SNRNP200: variants seen among roughly 807,000 people sequenced by gnomAD.
SNRNP200 encodes the protein U5 small nuclear ribonucleoprotein 200 kDa helicase.
Under a neutral mutation model 255.2 loss-of-function variants are expected in SNRNP200, and 66 were observed. The ratio of observed to expected loss-of-function variants is 0.26; its 90% CI spans 0.21 to 0.32. The LOEUF is 0.32. Ranked by LOEUF, SNRNP200 falls within the 10% of genes least tolerant of loss-of-function variation. SNRNP200 has a pLI of 1.00. For missense variants in SNRNP200, 1,585 were observed against 2,749.8 expected, an observed-to-expected ratio of 0.58 and a Z score of 9.47; for synonymous variants, 939 against 1,027.8, an observed-to-expected ratio of 0.91 and a Z score of 1.65.
chr2:96,282,983 C>G, intron 34 of SNRNP200: 1 of 640,952 alleles, frequency 1.6e-6, no homozygotes, highest in African/African-American at 1.8e-5. Context: ...CCTGATGTGT[C>G]TGCCTGTTTT....
chr2:96,277,625 C>T lies in SNRNP200; in HGVS notation c.5845G>A (p.Val1949Ile). Residue 1949 changes from valine (V) to isoleucine (I), a missense_variant, in exon 41 of 45, where the codon GTC becomes ATC. Around this residue, in one of 9 missense-constraint regions of SNRNP200, gnomAD observed 279 missense variants for 551.2 expected, o/e 0.51. Coordinates refer to ENST00000323853, the MANE Select transcript of SNRNP200 (RefSeq NM_014014.5). This position sits in a 1 kb window ranked among gnomAD's most constrained non-coding sequence, Gnocchi z 4.4. Reference protein sequence around the residue: ...ALAAMELAQMVTQAMWSKDSY... With the variant: ...ALAAMELAQMITQAMWSKDSY... ...TCCTTGGACCACATGGCTTGGGTGA[C>T]CATCTGGGCCAGTTCCATAGCTGCC... is the stretch of plus-strand genomic sequence containing the variant. The T allele has an allele frequency of 6.2e-7, 1 of 1,614,094 alleles. No homozygotes were observed. The highest frequency in any genetic ancestry group is 8.5e-7 in the Non-Finnish European group (1 of 1,180,032).
At position 96,274,385 on chromosome 2, in the gene SNRNP200, C is replaced by T. The variant is rs1376948498; in HGVS notation, c.*627G>A. 1 of 156,408 alleles carries T rather than the reference C, an allele frequency of 6.4e-6. No individual in the cohort carries two copies. The highest frequency in any genetic ancestry group is 6.2e-5 in the Admixed American group (1 of 16,170). The allele number at this position is 156,408 out of a possible 1,614,324, so 9.7% of individuals were successfully genotyped here. On this transcript the variant is annotated 3_prime_UTR_variant, in exon 45 of 45. Transcript: ENST00000323853. ...AAGACTGGGTCACATCCAGCTAGTA[C>T]ATTTCAGTGCCCTTTCTGGTGCTGC...
chr2:96,290,859 C>T lies in SNRNP200; in HGVS notation c.2422-44G>A. On this transcript the variant is annotated intron_variant, in intron 18 of 44. Coordinates refer to ENST00000323853, the MANE Select transcript of SNRNP200 (RefSeq NM_014014.5). The surrounding 1 kb of genome is among the most constrained non-coding windows in gnomAD (Gnocchi z 4.5). ...GTAATGAGGAGAACAGATGCCATCACCAGGGGTTAATATCCCTGGCTTCTC... is the reference window on the plus strand; with the variant it reads ...GTAATGAGGAGAACAGATGCCATCATCAGGGGTTAATATCCCTGGCTTCTC... 1 of 1,613,340 alleles carries T rather than the reference C, an allele frequency of 6.2e-7. No homozygotes were observed. The highest frequency in any genetic ancestry group is 8.5e-7 in the Non-Finnish European group (1 of 1,179,598).
chr2:96,275,884 T>C (rs1173393571), intron 43 of SNRNP200, among the ~76,000 whole-genome samples: 1 of 152,242 alleles, frequency 6.6e-6, no homozygotes, highest in African/African-American at 2.4e-5. Flanking sequence ...CGGGTGCCTG[T>C]AGTCCCAGCT....
At chr2:96,295,969 AC>A (rs1329555415) in intron 13 of SNRNP200, among the ~76,000 whole-genome samples, 3 of 152,156 alleles carry the variant, frequency 2.0e-5, no homozygotes, top group Non-Finnish European at 4.4e-5. Flanking sequence ...CCCTGTCTCT[AC>A]AAAAAATATA....
At position 96,286,728 on chromosome 2, in the gene SNRNP200, G is replaced by T; in HGVS notation, c.3789C>A (p.Pro1263=). Reference sequence around the variant, plus strand: ...ACACCACTCGGATGAAGTACTGAGGGGGCAGCGGTTCAAAGACAGGCACGA... The same window carrying T: ...ACACCACTCGGATGAAGTACTGAGGTGGCAGCGGTTCAAAGACAGGCACGA... The part of the protein sequence containing the change: ...TFFVPVFEPL[P]PQYFIRVVSD... The change falls in exon 28 of 45, where the codon CCC becomes CCA. Residue 1263 remains proline (P), a synonymous_variant. Coordinates refer to ENST00000323853, the MANE Select transcript of SNRNP200 (RefSeq NM_014014.5). This position sits in a 1 kb window ranked among gnomAD's most constrained non-coding sequence, Gnocchi z 4.8. 1 of 1,614,070 alleles carries T rather than the reference G, an allele frequency of 6.2e-7. No individual in the cohort carries two copies. Among genetic ancestry groups the T allele is most frequent in the Non-Finnish European group, 8.5e-7 (1 of 1,180,024 alleles).
Position 96,287,948 on chromosome 2 carries a change from C to G in SNRNP200, c.3280G>C (p.Ala1094Pro), listed in dbSNP as rs776180845. The G allele has an allele frequency of 1.2e-6, 2 of 1,614,250 alleles. No homozygotes were observed. Among genetic ancestry groups the G allele is most frequent in the Admixed American group, 1.7e-5 (1 of 60,032 alleles). The change falls in exon 25 of 45, where the codon GCG (alanine) becomes CCG (proline). Residue 1094 changes from alanine to proline, a missense_variant. By Grantham distance (27) the Ala-to-Pro change is conservative. Transcript: ENST00000323853. The surrounding 1 kb of genome is among the most constrained non-coding windows in gnomAD (Gnocchi z 5.7). ...VTQSAGRLMR[A>P]IFEIVLNRGW... ...CGGTTCAGGACAATTTCAAATATCGCTCGCATCAACCGGCCAGCCGACTAA... is the reference window on the plus strand; with the variant it reads ...CGGTTCAGGACAATTTCAAATATCGGTCGCATCAACCGGCCAGCCGACTAA...
chr2:96,299,800 G>A (rs1195311072), intron 5 of SNRNP200, among the ~76,000 whole-genome samples: 2 of 152,196 alleles, frequency 1.3e-5, no homozygotes, highest in African/African-American at 4.8e-5. Context: ...ATCGCACTTA[G>A]CCTGCTCACC....
chr2:96,298,633 T>C lies in SNRNP200; in HGVS notation c.952A>G (p.Ile318Val). The C allele has an allele frequency of 6.2e-7, 1 of 1,614,166 alleles. No homozygotes were observed. Among genetic ancestry groups the C allele is most frequent in the Non-Finnish European group, 8.5e-7 (1 of 1,180,036 alleles). The change falls in exon 8 of 45, where the codon ATT becomes GTT. Residue 318 changes from isoleucine to valine, a missense_variant. Ile to Val is a conservative substitution (Grantham distance 29). Coordinates refer to ENST00000323853, the MANE Select transcript of SNRNP200 (RefSeq NM_014014.5). The part of the protein sequence containing the change: ...LLLGFNTFDF[I>V]KVLRQHRMMI... Reference sequence around the variant, plus strand: ...ATCCTGTGCTGCCGCAACACTTTAATGAAATCAAAGGTGTTGAAACCAAGC... The same window carrying C: ...ATCCTGTGCTGCCGCAACACTTTAACGAAATCAAAGGTGTTGAAACCAAGC...
At chr2:96,304,677 G>GA in intron 2 of SNRNP200, 28 bp downstream of exon 2, 1 of 1,613,836 alleles carries the variant, frequency 6.2e-7, no homozygotes, top group Non-Finnish European at 8.5e-7. Context: ...GGATCTGAAG[G>GA]AAAAAATAGT....
Position 96,286,612 on chromosome 2 carries a change from C to T in SNRNP200, c.3829+76G>A, listed in dbSNP as rs538086172. On this transcript the variant is annotated intron_variant, in intron 28 of 44. Coordinates refer to ENST00000323853, the MANE Select transcript of SNRNP200 (RefSeq NM_014014.5). This position sits in a 1 kb window ranked among gnomAD's most constrained non-coding sequence, Gnocchi z 4.8. Reference sequence around the variant, plus strand: ...ACTCTGTCCCCAGCAAGGGCAAGCCCGGGACAAAGTGCAAGACATTCTTCT... The same window carrying T: ...ACTCTGTCCCCAGCAAGGGCAAGCCTGGGACAAAGTGCAAGACATTCTTCT... 1.3e-5 allele frequency: 21 copies of T among 1,593,184 alleles called. No homozygotes were observed. The highest frequency in any genetic ancestry group is 1.7e-5 in the Admixed American group (1 of 58,804).
In SNRNP200 at chr2:96,291,346, T is replaced by G; in HGVS notation, c.2421+46A>C. The G allele has an allele frequency of 9.4e-7, 1 of 1,067,778 alleles. No individual in the cohort carries two copies. Among genetic ancestry groups the G allele is most frequent in the Non-Finnish European group, 1.5e-6 (1 of 680,948 alleles). 66.1% of individuals were successfully genotyped at this position (1,067,778 alleles called of 1,614,324 possible). A position where few individuals can be genotyped will look rare whatever the true frequency, so the allele number is the denominator to read the frequency against. ...CACAAACTTGACATTGCCCATCTTC[T>G]GAAGTATGTCCCACCTGCTCCTCCA... On this transcript the variant is annotated intron_variant, in intron 18 of 44. Transcript: ENST00000323853. The surrounding 1 kb of genome is among the most constrained non-coding windows in gnomAD (Gnocchi z 4.2).
chr2:96,298,165 AAAG>A (rs1386339753), intron 9 of SNRNP200, 116 bp downstream of exon 9: 55 of 1,483,074 alleles, frequency 3.7e-5, no homozygotes, highest in Non-Finnish European at 4.8e-5. Flanking sequence ...GATAAACCCC[AAAG>A]AATTTAGGAA....
chr2:96,284,014 G>A lies in SNRNP200; in HGVS notation c.4393-10C>T, dbSNP rs372636600. ...TCACTTCTAAGACAGGCTGGAAAGA[G>A]GGAGGGAGGGAGGGTCACTGCAGGC... is the stretch of plus-strand genomic sequence containing the variant. On this transcript the variant is annotated splice_polypyrimidine_tract_variant and intron_variant, in intron 31 of 44. Coordinates refer to ENST00000323853, the MANE Select transcript of SNRNP200 (RefSeq NM_014014.5). 1.7e-4 allele frequency: 247 copies of A among 1,487,358 alleles called. 2 individuals are homozygous for A. Among genetic ancestry groups the A allele is most frequent in the South Asian group, 4.8e-5 (4 of 84,126 alleles). The allele number at this position is 1,487,358 out of a possible 1,614,324, so 92.1% of individuals were successfully genotyped here. A position where few individuals can be genotyped will look rare whatever the true frequency, so the allele number is the denominator to read the frequency against.
At chr2:96,293,129 G>C in intron 15 of SNRNP200, 34 bp from the exon 16 acceptor site, 1 of 1,613,922 alleles carries the variant, frequency 6.2e-7, no homozygotes, top group Non-Finnish European at 8.5e-7. Flanking sequence ...ATGAGGCTTT[G>C]GCAGAAAATA....
At position 96,289,263 on chromosome 2, in the gene SNRNP200, T is replaced by C; in HGVS notation, c.3057A>G (p.Ser1019=). The C allele has an allele frequency of 1.2e-6, 2 of 1,614,194 alleles. No homozygotes were observed. The highest frequency in any genetic ancestry group is 4.5e-5 in the East Asian group (2 of 44,884). The change falls in exon 22 of 45, where the codon TCA becomes TCG. Residue 1019 remains serine, a synonymous_variant. Coordinates refer to ENST00000323853, the MANE Select transcript of SNRNP200 (RefSeq NM_014014.5). ...TGATGTTCTTGAACTCAGAGGACAA[T>C]GAGAAGACCCTGAAAAGCTCAATCT... ...LSEIELFRVF[S]LSSEFKNITV...
In SNRNP200 at chr2:96,291,353, T is replaced by A; in HGVS notation, c.2421+39A>T. The A allele has an allele frequency of 9.0e-7, 1 of 1,112,244 alleles. No individual in the cohort carries two copies. Among genetic ancestry groups the A allele is most frequent in the Non-Finnish European group, 1.4e-6 (1 of 721,376 alleles). The allele number at this position is 1,112,244 out of a possible 1,614,324, so 68.9% of individuals were successfully genotyped here. A position where few individuals can be genotyped will look rare whatever the true frequency, so the allele number is the denominator to read the frequency against. On this transcript the variant is annotated intron_variant, in intron 18 of 44. Coordinates refer to ENST00000323853, the MANE Select transcript of SNRNP200 (RefSeq NM_014014.5). The surrounding 1 kb of genome is among the most constrained non-coding windows in gnomAD (Gnocchi z 4.2). ...TTGACATTGCCCATCTTCTGAAGTA[T>A]GTCCCACCTGCTCCTCCAAACGCTT...
intron 35 of SNRNP200, 76 bp from the exon 36 acceptor site, chr2:96,279,635 G>A (rs938609085): frequency 2.8e-5 from 25 of 882,424 alleles, no homozygotes; most frequent in East Asian, 1.0e-4. Flanking sequence ...AACTCCCTTC[G>A]CCAAGTAAGA....
At position 96,286,477 on chromosome 2, in the gene SNRNP200, C is replaced by T. The variant is rs761471155; in HGVS notation, c.3837G>A (p.Glu1279=). The T allele has an allele frequency of 3.7e-6, 6 of 1,614,080 alleles. No individual in the cohort carries two copies. The South Asian group carries it at 4.4e-5, about 12-fold the overall frequency. ...GCCGGAAGGAGACAGGCAGCTGGGTCTCACAAGCTGCCAGAAAAGAAACAG... is the reference window on the plus strand; with the variant it reads ...GCCGGAAGGAGACAGGCAGCTGGGTTTCACAAGCTGCCAGAAAAGAAACAG... The part of the protein sequence containing the change: ...RVVSDRWLSC[E]TQLPVSFRHL... The change falls in exon 29 of 45, where the codon GAG becomes GAA. Residue 1279 remains glutamate (E), a synonymous_variant. Coordinates refer to ENST00000323853, the MANE Select transcript of SNRNP200 (RefSeq NM_014014.5). This position sits in a 1 kb window ranked among gnomAD's most constrained non-coding sequence, Gnocchi z 4.8.
Sources: gnomAD v4.1 joint callset for allele counts (sites outside exome capture counted in the v4.1 genomes callset) on GRCh38, gnomAD v4.1.1 for gene constraint, gnomAD v4.1.1 regional missense constraint, Gnocchi (gnomAD v3.1) non-coding constraint, MANE v1.5 for transcripts, NCBI Gene and HGNC (gene_info 2026-07-23, HGNC 2026-07-21) for gene names.